The following TSLP variants were observed in gnomAD, a reference collection of about 807,000 sequenced individuals.
TSLP encodes thymic stromal lymphopoietin.
In TSLP, 12 loss-of-function variants were observed where a neutral mutation model predicts 12.4. The observed-to-expected ratio is 0.97, with a 90% CI of 0.62 to 1.57. The LOEUF (loss-of-function observed/expected upper bound fraction) is 1.57, where lower values mean the gene tolerates loss of function less well. TSLP is among the 40% of genes most tolerant of loss of function. The pLI is 0.00. For missense variants in TSLP, 222 were observed against 189.6 expected, an observed-to-expected ratio of 1.17 and a Z score of -1.00; for synonymous variants, 97 against 69.5, an observed-to-expected ratio of 1.40 and a Z score of -1.97.
At chr5:111,074,677 C>T (rs937789299) in intron 3 of TSLP, among the ~76,000 whole-genome samples, 3 of 139,080 alleles carry the variant, frequency 2.2e-5, no homozygotes, top group African/African-American at 8.2e-5. Context: ...GTTACCCAGG[C>T]TGGAATGCAG....
At position 111,077,366 on chromosome 5, in the gene TSLP, A is replaced by G. The variant is rs1752539669; in HGVS notation, c.*1292A>G. On this transcript the variant is annotated 3_prime_UTR_variant, in exon 4 of 4. Coordinates refer to ENST00000344895, the MANE Select transcript of TSLP (RefSeq NM_033035.5). ...CATGTCCAGTCCACATTTAAAGAGC[A>G]CTTACTGTGGAACAAGCCTTCAGCC... 6.6e-6 allele frequency: 1 copy of G among 152,252 alleles called. No individual in the cohort carries two copies. The highest frequency in any genetic ancestry group is 1.5e-5 in the Non-Finnish European group (1 of 68,064). 9.4% of individuals were successfully genotyped at this position (152,252 alleles called of 1,614,324 possible).
At chr5:111,071,680 G>T (rs1200756986), upstream of TSLP, 1 of 1,274,120 alleles carries the variant, frequency 7.8e-7, no homozygotes, top group African/African-American at 1.5e-5. Flanking sequence ...AGGCGTTTAG[G>T]TGTTATATAG....
In TSLP at chr5:111,072,911, C is replaced by T. The variant is rs141294003; in HGVS notation, c.195C>T (p.Asn65=). The T allele has an allele frequency of 3.1e-6, 5 of 1,614,234 alleles. No individual in the cohort carries two copies. Among genetic ancestry groups the T allele is most frequent in the Middle Eastern group, 1.6e-4 (1 of 6,062 alleles). The change falls in exon 2 of 4, where the codon AAC becomes AAT. Residue 65 remains asparagine (N), a synonymous_variant. Transcript: ENST00000344895. ...AGACCAAAAGTACCGAGTTCAACAA[C>T]ACCGTCTCTTGTAGCAATCGGGTGA... ...MSGTKSTEFN[N]TVSCSNRPHC... is the part of the protein sequence containing the mutation.
intron 3 of TSLP, 78 bp downstream of exon 3, chr5:111,073,723 TTC>T (rs1215341326): frequency 3.4e-5 from 50 of 1,467,268 alleles, no homozygotes; most frequent in Non-Finnish European, 4.5e-5. Flanking sequence ...GCAGAAGTCG[TTC>T]TCTTATTTTT....
chr5:111,076,514 A>T lies in TSLP; in HGVS notation c.*440A>T, dbSNP rs1752511249. 1 of 160,538 alleles carries T rather than the reference A, an allele frequency of 6.2e-6. No individual in the cohort carries two copies. The highest frequency in any genetic ancestry group is 2.4e-5 in the African/African-American group (1 of 41,524). The allele number at this position is 160,538 out of a possible 1,614,324, so 9.9% of individuals were successfully genotyped here. On this transcript the variant is annotated 3_prime_UTR_variant, in exon 4 of 4. Transcript: ENST00000344895. ...TTTACAAGAGAAGAAAGTGAAAGCA[A>T]ATGGGGTTTCACAAATAGTTGTAAA...
Position 111,076,884 on chromosome 5 carries a change from C to T in TSLP, c.*810C>T, listed in dbSNP as rs1206516932. On this transcript the variant is annotated 3_prime_UTR_variant, in exon 4 of 4. Coordinates refer to ENST00000344895, the MANE Select transcript of TSLP (RefSeq NM_033035.5). ...ATCTTCCTTCAGGTTTTTACCTCCA[C>T]TCATCCTTAGAGCCCACTGACTGCT... The T allele has an allele frequency of 2.0e-5, 3 of 152,192 alleles. No individual in the cohort carries two copies. Among genetic ancestry groups the T allele is most frequent in the Admixed American group, 6.5e-5 (1 of 15,274 alleles). The allele number at this position is 152,192 out of a possible 1,614,324, so 9.4% of individuals were successfully genotyped here.
chr5:111,076,101 C>T lies in TSLP; in HGVS notation c.*27C>T, dbSNP rs1304076774. On this transcript the variant is annotated 3_prime_UTR_variant, in exon 4 of 4. Coordinates refer to ENST00000344895, the MANE Select transcript of TSLP (RefSeq NM_033035.5). ...CCATCTTTATTATGGTCATATTTCA[C>T]AGCACCAAAATAAATCATCTTTATT... is the stretch of plus-strand genomic sequence containing the variant. 3 of 1,611,486 alleles carry T rather than the reference C, an allele frequency of 1.9e-6. No individual in the cohort carries two copies. Among genetic ancestry groups the T allele is most frequent in the Admixed American group, 1.7e-5 (1 of 59,390 alleles).
rs2112548955 is a variant in TSLP, at chr5:111,076,578, T to C, written c.*504T>C. 1 of 155,586 alleles carries C rather than the reference T, an allele frequency of 6.4e-6. No homozygotes were observed. The highest frequency in any genetic ancestry group is 2.0e-4 in the South Asian group (1 of 5,020). 9.6% of individuals were successfully genotyped at this position (155,586 alleles called of 1,614,324 possible). A position where few individuals can be genotyped will look rare whatever the true frequency, so the allele number is the denominator to read the frequency against. On this transcript the variant is annotated 3_prime_UTR_variant, in exon 4 of 4. Transcript: ENST00000344895. ...TTTGAAATAATTTTCAAGCAAAGTA[T>C]TGTGAAAGTATTCTAAGCCAAGTTT...
Position 111,076,367 on chromosome 5 carries a change from G to A in TSLP, c.*293G>A, listed in dbSNP as rs1420751653. On this transcript the variant is annotated 3_prime_UTR_variant, in exon 4 of 4. Transcript: ENST00000344895. Reference sequence around the variant, plus strand: ...CTCAAGAGGAAAATCCAAAAGTGCAGCAGGAGAACTCTTTTCCCTGAAAAA... The same window carrying A: ...CTCAAGAGGAAAATCCAAAAGTGCAACAGGAGAACTCTTTTCCCTGAAAAA... 6.7e-6 allele frequency: 2 copies of A among 299,840 alleles called. No individual in the cohort carries two copies. The highest frequency in any genetic ancestry group is 2.2e-5 in the African/African-American group (1 of 44,848). 18.6% of individuals were successfully genotyped at this position (299,840 alleles called of 1,614,324 possible).
chr5:111,070,351 C>A (rs1561689577), upstream of TSLP: 1 of 152,058 alleles, frequency 6.6e-6, no homozygotes, highest in South Asian at 2.1e-4. Flanking sequence ...TTTCTCCGAG[C>A]GATGACTCCT....
Position 111,071,998 on chromosome 5 carries a change from T to C in TSLP, c.108T>C (p.Phe36=). 6.2e-7 allele frequency: 1 copy of C among 1,614,240 alleles called. No homozygotes were observed. Among genetic ancestry groups the C allele is most frequent in the East Asian group, 2.2e-5 (1 of 44,890 alleles). The stretch of plus-strand genomic sequence containing the variant: ...CTTACGACTTCACTAACTGTGACTT[T>C]GAGAAGATTAAAGCAGCCTATCTCA... ...VLTYDFTNCD[F]EKIKAAYLST... The change falls in exon 1 of 4, where the codon TTT becomes TTC. Residue 36 remains phenylalanine, a synonymous_variant. Coordinates refer to ENST00000344895, the MANE Select transcript of TSLP (RefSeq NM_033035.5).
intron 2 of TSLP, among the ~76,000 whole-genome samples, 169 bp downstream of exon 2, chr5:111,073,101 G>T (rs988935236): frequency 1.3e-5 from 2 of 152,232 alleles, no homozygotes; most frequent in African/African-American, 4.8e-5. Context: ...GCCTAGCTTG[G>T]GACAACACTT....
upstream of TSLP, chr5:111,071,282 G>A (rs1752331467): frequency 3.3e-6 from 2 of 600,038 alleles, no homozygotes; most frequent in Non-Finnish European, 5.3e-6. Flanking sequence ...ACTAGCCAAG[G>A]AGAAGGGAAA....
In TSLP at chr5:111,072,028, T is replaced by C. The variant is rs200507920; in HGVS notation, c.138T>C (p.Thr46=). The C allele has an allele frequency of 6.2e-7, 1 of 1,614,058 alleles. No individual in the cohort carries two copies. The highest frequency in any genetic ancestry group is 1.7e-5 in the Admixed American group (1 of 60,036). The change falls in exon 1 of 4, where the codon ACT becomes ACC. Residue 46 remains threonine (T), a synonymous_variant. Coordinates refer to ENST00000344895, the MANE Select transcript of TSLP (RefSeq NM_033035.5). ...FEKIKAAYLS[T]ISKDLITYMS... The stretch of plus-strand genomic sequence containing the variant: ...AGATTAAAGCAGCCTATCTCAGTAC[T>C]ATTTCTAAAGACCTGATTACATATA...
Position 111,073,567 on chromosome 5 carries a change from G to A in TSLP, c.273G>A (p.Ala91=). Residue 91 remains alanine (A), a synonymous_variant, in exon 3 of 4, where the codon GCG becomes GCA. Coordinates refer to ENST00000344895, the MANE Select transcript of TSLP (RefSeq NM_033035.5). ...SLTFNPTAGC[A]SLAKEMFAMK... ...CCTTCAATCCCACCGCCGGCTGCGC[G>A]TCGCTCGCCAAAGAAATGTTCGCCA... 4 of 1,614,120 alleles carry A rather than the reference G, an allele frequency of 2.5e-6. No homozygotes were observed. Among genetic ancestry groups the A allele is most frequent in the Non-Finnish European group, 3.4e-6 (4 of 1,180,036 alleles).
chr5:111,073,736 A>C (rs568861978), intron 3 of TSLP, 91 bp downstream of exon 3: 46 of 1,430,094 alleles, frequency 3.2e-5, no homozygotes, highest in Admixed American at 1.3e-4. Flanking sequence ...TCTTATTTTT[A>C]TTTAGGTTTT....
upstream of TSLP, chr5:111,071,340 G>A (rs1304382457): frequency 1.9e-6 from 2 of 1,072,582 alleles, no homozygotes; most frequent in Admixed American, 6.4e-5. Flanking sequence ...TGTTCAGAAT[G>A]CATGGGACAT....
rs1397633322 is a variant in TSLP, at chr5:111,072,903, T to G, written c.187T>G (p.Phe63Val). Residue 63 changes from phenylalanine to valine, a missense_variant, in exon 2 of 4, where the codon TTC becomes GTC. Coordinates refer to ENST00000344895, the MANE Select transcript of TSLP (RefSeq NM_033035.5). ...TTTCTTCCAGACCAAAAGTACCGAG[T>G]TCAACAACACCGTCTCTTGTAGCAA... ...TYMSGTKSTE[F>V]NNTVSCSNRP... is the part of the protein sequence containing the mutation. 1 of 1,614,204 alleles carries G rather than the reference T, an allele frequency of 6.2e-7. No individual in the cohort carries two copies.
chr5:111,074,840 G>A (rs1398352513), intron 3 of TSLP, among the ~76,000 whole-genome samples: 4 of 151,842 alleles, frequency 2.6e-5, no homozygotes, highest in Non-Finnish European at 4.4e-5. Context: ...GGCTGGTCTC[G>A]AATTCCTGAC....
Sources: gnomAD v4.1 joint callset for allele counts (sites outside exome capture counted in the v4.1 genomes callset) on GRCh38, gnomAD v4.1.1 for gene constraint, MANE v1.5 for transcripts, NCBI Gene and HGNC (gene_info 2026-07-23, HGNC 2026-07-21) for gene names.